Variants in PLAGL1 observed in about 807,000 individuals in gnomAD.
The protein encoded by PLAGL1 is zinc finger protein PLAGL1.
Under a neutral mutation model 4.6 loss-of-function variants are expected in PLAGL1, and 1 was observed. The observed-to-expected ratio is 0.22, with a 90% CI of 0.08 to 1.03. The LOEUF (loss-of-function observed/expected upper bound fraction) is 1.03. Ranked by LOEUF, PLAGL1 falls within the 50% of genes least tolerant of loss-of-function variation. The pLI, the probability that PLAGL1 is intolerant of heterozygous loss-of-function variation, is 0.58. For missense variants in PLAGL1, 464 were observed against 570.4 expected, an observed-to-expected ratio of 0.81 and a Z score of 1.90; for synonymous variants, 240 against 237.8, an observed-to-expected ratio of 1.01 and a Z score of -0.08.
intron 1 of PLAGL1, among the ~76,000 whole-genome samples, chr6:144,029,369 T>C (rs1796625480): frequency 6.6e-6 from 1 of 152,116 alleles, no homozygotes; most frequent in Non-Finnish European, 1.5e-5. Flanking sequence ...AACAACAACC[T>C]GATGGGGTGG....
chr6:143,977,706 G>A (rs1388041804), intron 2 of PLAGL1, among the ~76,000 whole-genome samples: 1 of 151,806 alleles, frequency 6.6e-6, no homozygotes, highest in Non-Finnish European at 1.5e-5. Flanking sequence ...CACCATGTTG[G>A]CCAGGCTGGT....
intron 1 of PLAGL1, among the ~76,000 whole-genome samples, chr6:143,986,949 T>C (rs1789311241): frequency 6.6e-6 from 1 of 152,168 alleles, no homozygotes; most frequent in African/African-American, 2.4e-5. Flanking sequence ...ATAACCAAGT[T>C]ATACATAGGA....
rs1799653562 is a variant in PLAGL1, at chr6:144,064,177, C to G, written c.-151+291G>C. Among the ~76,000 whole-genome samples the G allele has an allele frequency of 6.6e-6, 1 of 151,896 alleles. No homozygotes were observed. ...GTCACCCGGCCCGCCCTCCGCCCAG[C>G]GCAGAAGCGAAGAGCTGCAGACGAC... On this transcript the variant is annotated intron_variant, in intron 1 of 3. Coordinates refer to the PLAGL1 transcript ENST00000437412. This position sits in a 1 kb window ranked among gnomAD's most constrained non-coding sequence, Gnocchi z 6.8.
intron 7 of PLAGL1, among the ~76,000 whole-genome samples, chr6:143,944,749 G>C (rs543935166): frequency 6.6e-6 from 1 of 151,594 alleles, no homozygotes; most frequent in African/African-American, 2.4e-5. Flanking sequence ...TACATATGAA[G>C]GGGGGAGCTG....
chr6:143,948,031 G>T lies in PLAGL1; in HGVS notation c.106C>A (p.Gln36Lys). 6.2e-7 allele frequency: 1 copy of T among 1,614,058 alleles called. No individual in the cohort carries two copies. The highest frequency in any genetic ancestry group is 8.5e-7 in the Non-Finnish European group (1 of 1,179,892). Residue 36 changes from glutamine (Q) to lysine (K), a missense_variant, in exon 7 of 8, where the codon CAG becomes AAG. Gln to Lys is a moderately conservative substitution (Grantham distance 53). Coordinates refer to ENST00000674357, the MANE Select transcript of PLAGL1 (RefSeq NM_001317162.2). This position sits in a 1 kb window ranked among gnomAD's most constrained non-coding sequence, Gnocchi z 6.0. ...HSRERPYKCV[Q>K]PDCGKAFVSR... ...ACAAAGGCTTTGCCACAGTCAGGCT[G>T]CACACACTTGTACGGCCGCTCCCTG...
intron 1 of PLAGL1, among the ~76,000 whole-genome samples, chr6:144,031,125 C>CT (rs1225529378): frequency 6.6e-6 from 1 of 152,060 alleles, no homozygotes; most frequent in Admixed American, 6.6e-5. Flanking sequence ...TTTCCATATG[C>CT]TTGTTGGCCA....
At chr6:144,032,563 T>C (rs768316717) in intron 1 of PLAGL1, among the ~76,000 whole-genome samples, 1 of 152,050 alleles carries the variant, frequency 6.6e-6, no homozygotes, top group South Asian at 2.1e-4. Context: ...TTTTGGGGTT[T>C]TGTTTGTTTG....
rs1478530913 is a variant in PLAGL1 at position 143,953,209 on chromosome 6, C to G, written c.-324-4749G>C. Among the ~76,000 whole-genome samples the G allele has an allele frequency of 1.3e-5, 2 of 152,204 alleles. No individual in the cohort carries two copies. The highest frequency in any genetic ancestry group is 1.3e-4 in the Admixed American group (2 of 15,280). The stretch of plus-strand genomic sequence containing the variant: ...TCAATGGCCCAGTAGAGATCTCCAC[C>G]TTAATATGTTTGAAGAGCTTTCACT... On this transcript the variant is annotated intron_variant, in intron 6 of 7. Transcript: ENST00000674357. The surrounding 1 kb of genome is among the most constrained non-coding windows in gnomAD (Gnocchi z 5.3).
chr6:144,037,688 A>G (rs1435354315), intron 1 of PLAGL1: 1 of 81,230 alleles, frequency 1.2e-5, no homozygotes, highest in Admixed American at 1.3e-4. Context: ...TACAATGCAT[A>G]TCAACATTAT....
chr6:143,975,487 A>G lies in PLAGL1; in HGVS notation c.-543-6509T>C, dbSNP rs9373410. Among the ~76,000 whole-genome samples the G allele has an allele frequency of 0.71, 108,257 of 152,076 alleles. 39,678 individuals carry two copies. Among genetic ancestry groups the G allele is most frequent in the East Asian group, 0.87 (4,540 of 5,192 alleles). Reference sequence around the variant, plus strand: ...ACTAATATAAAGCTCCTAAAACAGCATTGGCATACAGTGAAAGATCAATAA... The same window carrying G: ...ACTAATATAAAGCTCCTAAAACAGCGTTGGCATACAGTGAAAGATCAATAA... On this transcript the variant is annotated intron_variant, in intron 2 of 7. Coordinates refer to ENST00000674357, the MANE Select transcript of PLAGL1 (RefSeq NM_001317162.2). The surrounding 1 kb of genome is among the most constrained non-coding windows in gnomAD (Gnocchi z 5.8).
chr6:143,967,202 G>T (rs1405913534), intron 3 of PLAGL1: 1 of 152,092 alleles, frequency 6.6e-6, no homozygotes, highest in Non-Finnish European at 1.5e-5. Context: ...ATAAAATGGG[G>T]ATATCTATGT....
chr6:144,001,321 T>C (rs1422770612), intron 1 of PLAGL1, among the ~76,000 whole-genome samples: 1 of 151,938 alleles, frequency 6.6e-6, no homozygotes, highest in Non-Finnish European at 1.5e-5. Context: ...TAAATATCCA[T>C]CAATATACAT....
In PLAGL1 at chr6:144,056,073, C is replaced by T; in HGVS notation, c.-151+8395G>A. ...GACTCACTTTTCTTTCCCCTCATCC[C>T]TTTCTCCATCCCACCCCCACCTCTG... On this transcript the variant is annotated intron_variant, in intron 1 of 3. Transcript: ENST00000437412. The surrounding 1 kb of genome is among the most constrained non-coding windows in gnomAD (Gnocchi z 4.7). 6.6e-6 allele frequency among the ~76,000 whole-genome samples: 1 copy of T among 152,078 alleles called. No homozygotes were observed. The highest frequency in any genetic ancestry group is 1.5e-5 in the Non-Finnish European group (1 of 67,994).
intron 1 of PLAGL1, among the ~76,000 whole-genome samples, chr6:144,019,507 G>C (rs1487214217): frequency 1.3e-5 from 2 of 152,014 alleles, no homozygotes; most frequent in African/African-American, 4.8e-5. Flanking sequence ...TGAACAATTG[G>C]ATAAACTTGA....
chr6:144,058,713 C>T (rs1025199271), intron 1 of PLAGL1, among the ~76,000 whole-genome samples: 1 of 152,132 alleles, frequency 6.6e-6, no homozygotes, highest in Non-Finnish European at 1.5e-5. Flanking sequence ...AAGTCTGAAA[C>T]CCAGCAGGGC....
chr6:144,025,124 C>T lies in PLAGL1; in HGVS notation c.-151+39344G>A, dbSNP rs118065982. ...AGGTGATCAAGGTCAACGTCAACAG[C>T]GACAAGTCATAGTCACAGCTGTACC... On this transcript the variant is annotated intron_variant, in intron 1 of 3. Coordinates refer to the PLAGL1 transcript ENST00000437412. 8.3e-4 allele frequency among the ~76,000 whole-genome samples: 126 copies of T among 152,260 alleles called. 4 individuals carry two copies. In the East Asian group the frequency reaches 0.01, roughly 12 times the overall value.
rs148910998 is a variant in PLAGL1 at position 144,059,348 on chromosome 6, T to A, written c.-151+5120A>T. Reference sequence around the variant, plus strand: ...CCTGGCCCTTTAAGCCATTCTTTCCTCCTAGGCCTCTGGGCCTACAATGTG... The same window carrying A: ...CCTGGCCCTTTAAGCCATTCTTTCCACCTAGGCCTCTGGGCCTACAATGTG... On this transcript the variant is annotated intron_variant, in intron 1 of 3. Coordinates refer to the PLAGL1 transcript ENST00000437412. This position sits in a 1 kb window ranked among gnomAD's most constrained non-coding sequence, Gnocchi z 4.9. Among the ~76,000 whole-genome samples, 1,215 of 152,324 alleles carry A rather than the reference T, an allele frequency of 8.0e-3. 9 individuals are homozygous for A. Among genetic ancestry groups the A allele is most frequent in the Middle Eastern group, 0.024 (7 of 294 alleles).
Position 144,061,711 on chromosome 6 carries a change from C to T in PLAGL1, c.-151+2757G>A, listed in dbSNP as rs1799418841. ...AAGTCCCTGAGGAAGAAGTTGGCAG[C>T]CAGATTTGATTCACTTATTCCTTTT... On this transcript the variant is annotated intron_variant, in intron 1 of 3. Coordinates refer to the PLAGL1 transcript ENST00000437412. The surrounding 1 kb of genome is among the most constrained non-coding windows in gnomAD (Gnocchi z 4.4). Among the ~76,000 whole-genome samples, 1 of 152,176 alleles carries T rather than the reference C, an allele frequency of 6.6e-6. No individual in the cohort carries two copies. The highest frequency in any genetic ancestry group is 1.5e-5 in the Non-Finnish European group (1 of 68,038).
chr6:143,950,590 A>T lies in PLAGL1; in HGVS notation c.-324-2130T>A, dbSNP rs1332495246. On this transcript the variant is annotated intron_variant, in intron 6 of 7. Transcript: ENST00000674357. The surrounding 1 kb of genome is among the most constrained non-coding windows in gnomAD (Gnocchi z 6.3). ...AACACACACAGAGTATGAAGTTTGA[A>T]AATGCATCTTTTTCTCATTCCCTTT... 2.0e-5 allele frequency among the ~76,000 whole-genome samples: 3 copies of T among 152,228 alleles called. No homozygotes were observed. The highest frequency in any genetic ancestry group is 2.9e-5 in the Non-Finnish European group (2 of 68,048).
Sources: allele counts gnomAD v4.1 joint callset (sites outside exome capture counted in the v4.1 genomes callset), GRCh38; gene constraint gnomAD v4.1.1; non-coding constraint Gnocchi (gnomAD v3.1); transcripts MANE v1.5; gene names NCBI Gene and HGNC (gene_info 2026-07-23, HGNC 2026-07-21).